Variants in NBPF15 observed in about 807,000 individuals in gnomAD.
The protein encoded by NBPF15 is NBPF family member NBPF15.
Under a neutral mutation model 62.2 loss-of-function variants are expected in NBPF15, and 74 were observed. The ratio of observed to expected loss-of-function variants is 1.19; its 90% CI spans 0.99 to 1.44. NBPF15 has a LOEUF of 1.44. NBPF15 is among the 40% of genes most tolerant of loss of function. NBPF15 has a pLI of 0.00. For synonymous variants in NBPF15, 244 were observed against 209.7 expected, an observed-to-expected ratio of 1.16 and a Z score of -1.41; for missense variants, 790 against 550.0, an observed-to-expected ratio of 1.44 and a Z score of -4.36.
Position 144,435,204 on chromosome 1 carries a change from T to C in NBPF15, c.679A>G (p.Thr227Ala), listed in dbSNP as rs1553540830. Residue 227 changes from threonine (T) to alanine (A), a missense_variant, in exon 12 of 22, where the codon ACC becomes GCC. Physicochemically the swap from Thr to Ala is moderately conservative, Grantham distance 58. Coordinates refer to ENST00000581897, the MANE Select transcript of NBPF15 (RefSeq NM_001385408.1). ...TTGTCTTCCTCAAATGTGATTTTGGTTTTCTTATGTGGCTGGTTGGAGTCA... is the reference window on the plus strand; with the variant it reads ...TTGTCTTCCTCAAATGTGATTTTGGCTTTCTTATGTGGCTGGTTGGAGTCA... ...PYDSNQPHKK[T>A]KITFEEDKVD... 3.7e-6 allele frequency: 6 copies of C among 1,612,884 alleles called. No individual in the cohort carries two copies. The highest frequency in any genetic ancestry group is 4.2e-6 in the Non-Finnish European group (5 of 1,179,694).
intron 8 of NBPF15, among the ~76,000 whole-genome samples, chr1:144,438,727 G>A (rs1484708597): frequency 3.4e-4 from 51 of 151,978 alleles, no homozygotes; most frequent in African/African-American, 1.2e-3. Context: ...GTAATTCACT[G>A]CAGCAATTTA....
chr1:144,453,651 A>AGGTG (rs2102741182), intron 4 of NBPF15, among the ~76,000 whole-genome samples: 2 of 139,952 alleles, frequency 1.4e-5, no homozygotes, highest in Admixed American at 7.3e-5. Flanking sequence ...AAAAAAAAAA[A>AGGTG]AAAAAAAAAA....
chr1:144,440,072 A>C, intron 7 of NBPF15, 34 bp from the exon 8 acceptor site: 1 of 1,566,304 alleles, frequency 6.4e-7, no homozygotes, highest in Non-Finnish European at 8.8e-7. Flanking sequence ...ATGATGGGTT[A>C]AAAACTGGTG....
In NBPF15 at chr1:144,439,859, C is replaced by T. The variant is rs1384886769; in HGVS notation, c.145G>A (p.Gly49Ser). The change falls in exon 8 of 22, where the codon GGC becomes AGC. Residue 49 changes from glycine to serine, a missense_variant. Coordinates refer to ENST00000581897, the MANE Select transcript of NBPF15 (RefSeq NM_001385408.1). ...TTCTTCTGTCGGTTGGCCAGGAAGC[C>T]GGCCAGTTGAGTTAGAAAACATTTC... is the stretch of plus-strand genomic sequence containing the variant. ...KEKCFLTQLA[G>S]FLANRQKKYK... 1.2e-4 allele frequency: 186 copies of T among 1,609,114 alleles called. 1 individual carries two copies. In the African/African-American group the frequency reaches 1.7e-3, roughly 14 times the overall value.
chr1:144,450,308 G>A (rs1558617952), intron 5 of NBPF15, among the ~76,000 whole-genome samples: 1 of 145,658 alleles, frequency 6.9e-6, no homozygotes, highest in African/African-American at 2.6e-5. Flanking sequence ...AGTCAGAGAA[G>A]GTGGGAGCTT....
rs1681596306 is a variant in NBPF15, at chr1:144,439,967, C to T, written c.37G>A (p.Ala13Thr). Residue 13 changes from alanine to threonine, a missense_variant, in exon 8 of 22, where the codon GCA becomes ACA. Ala to Thr is a moderately conservative substitution (Grantham distance 58, BLOSUM62 0). Coordinates refer to ENST00000581897, the MANE Select transcript of NBPF15 (RefSeq NM_001385408.1). ...TTGATTTCTAGAATGTTCATCTCTG[C>T]CTTCTCGCTGGACAAAGGGCCGGCT... ...VSAGPLSSEK[A>T]EMNILEINEK... The T allele has an allele frequency of 5.0e-6, 8 of 1,610,562 alleles. No homozygotes were observed. Among genetic ancestry groups the T allele is most frequent in the African/African-American group, 1.3e-5 (1 of 74,800 alleles).
chr1:144,461,132 G>A (rs191639041), intron 1 of NBPF15, among the ~76,000 whole-genome samples, 171 bp from the exon 2 acceptor site: 4,146 of 151,578 alleles, frequency 0.027, 208 homozygotes, highest in African/African-American at 0.095. Context: ...ACGTGCCCCC[G>A]AAGCTGCTCG....
rs77928342 is a variant in NBPF15, at chr1:144,448,418, T to C, written c.-191+357A>G. Among the ~76,000 whole-genome samples the C allele has an allele frequency of 3.4e-3, 511 of 149,482 alleles. 5 individuals are homozygous for C. In the South Asian group the frequency reaches 0.042, roughly 12 times the overall value. On this transcript the variant is annotated intron_variant, in intron 6 of 21. Transcript: ENST00000581897. ...ACAACCACTGAACCAATTCTATGAC[T>C]ATCTGTTTCATGGCCACCTGTTTGC...
At chr1:144,436,148 C>A in intron 10 of NBPF15, among the ~76,000 whole-genome samples, 1 of 152,054 alleles carries the variant, frequency 6.6e-6, no homozygotes, top group Non-Finnish European at 1.5e-5. Flanking sequence ...CTGTCTCCCC[C>A]ATCCTGCCAG....
chr1:144,461,231 G>C (rs587603240), intron 1 of NBPF15, 150 bp downstream of exon 1: 3 of 152,196 alleles, frequency 2.0e-5, no homozygotes, highest in African/African-American at 7.2e-5. Flanking sequence ...AGCGGCAAGC[G>C]AGGAATCCAA....
At position 144,423,020 on chromosome 1, in the gene NBPF15, G is replaced by A. The variant is rs781822733; in HGVS notation, c.2006C>T (p.Pro669Leu). 3 of 1,611,618 alleles carry A rather than the reference G, an allele frequency of 1.9e-6. No homozygotes were observed. In the South Asian group the frequency reaches 3.3e-5, roughly 18 times the overall value. ...HLVFQMGVIF[P>L]Q Reference sequence around the variant, plus strand: ...CGGCTTAGTAAGAGCTGCTTATTGTGGGAATATGACTCCCATCTGGAACAC... The same window carrying A: ...CGGCTTAGTAAGAGCTGCTTATTGTAGGAATATGACTCCCATCTGGAACAC... The change falls in exon 22 of 22, where the codon CCA becomes CTA. Residue 669 changes from proline to leucine, a missense_variant. By Grantham distance (98) the Pro-to-Leu change is moderately conservative. Coordinates refer to ENST00000581897, the MANE Select transcript of NBPF15 (RefSeq NM_001385408.1).
chr1:144,428,032 C>T, intron 15 of NBPF15, 42 bp from the exon 16 acceptor site: 1 of 773,222 alleles, frequency 1.3e-6, no homozygotes, highest in South Asian at 1.4e-5. Context: ...CAGGGGGAAT[C>T]AGAAACCACA....
chr1:144,424,419 A>G (rs1668090111), intron 20 of NBPF15, among the ~76,000 whole-genome samples: 1 of 151,896 alleles, frequency 6.6e-6, no homozygotes, highest in South Asian at 2.1e-4. Context: ...AGTTCTCTGA[A>G]TTTGTCACAT....
chr1:144,436,487 G>A lies in NBPF15; in HGVS notation c.493+408C>T, dbSNP rs587697237. ...TTGCAAGAGACAATTTGTCTGCCACGGAGAGAGAGAAACTCAGGAAGGACA... is the reference window on the plus strand; with the variant it reads ...TTGCAAGAGACAATTTGTCTGCCACAGAGAGAGAGAAACTCAGGAAGGACA... On this transcript the variant is annotated intron_variant, in intron 10 of 21. Coordinates refer to ENST00000581897, the MANE Select transcript of NBPF15 (RefSeq NM_001385408.1). Among the ~76,000 whole-genome samples, 825 of 147,656 alleles carry A rather than the reference G, an allele frequency of 5.6e-3. 13 individuals are homozygous for A. Among genetic ancestry groups the A allele is most frequent in the Non-Finnish European group, 6.9e-3 (467 of 67,886 alleles).
chr1:144,431,429 T>G (rs1473079165), intron 13 of NBPF15, among the ~76,000 whole-genome samples: 2 of 150,726 alleles, frequency 1.3e-5, no homozygotes, highest in East Asian at 3.9e-4. Context: ...CAACATTCTT[T>G]TTTTTTCCAT....
chr1:144,441,768 CTTAAG>C (rs1553542702), intron 6 of NBPF15, among the ~76,000 whole-genome samples: 3 of 151,480 alleles, frequency 2.0e-5, no homozygotes, highest in African/African-American at 2.4e-5. Context: ...ACTTTCACAT[CTTAAG>C]TTAATTTCAA....
intron 21 of NBPF15, 60 bp downstream of exon 21, chr1:144,423,810 T>C: frequency 4.0e-6 from 3 of 745,724 alleles, no homozygotes; most frequent in Non-Finnish European, 7.3e-6. Flanking sequence ...CTGGTTTCCC[T>C]GAATCTGTTG....
At chr1:144,447,208 G>A (rs1316150706) in intron 6 of NBPF15, among the ~76,000 whole-genome samples, 1 of 152,286 alleles carries the variant, frequency 6.6e-6, no homozygotes. Flanking sequence ...CTGCAGAGGA[G>A]AGGTGCCACA....
intron 6 of NBPF15, among the ~76,000 whole-genome samples, chr1:144,440,987 G>A (rs1385679717): frequency 2.0e-5 from 3 of 151,684 alleles, no homozygotes; most frequent in Non-Finnish European, 2.9e-5. Flanking sequence ...TTACTCAGGT[G>A]GGTATATATG....
Sources: gnomAD v4.1 joint callset for allele counts (sites outside exome capture counted in the v4.1 genomes callset) on GRCh38, gnomAD v4.1.1 for gene constraint, MANE v1.5 for transcripts, NCBI Gene and HGNC (gene_info 2026-07-23, HGNC 2026-07-21) for gene names.